RGS22: variants seen among roughly 807,000 people sequenced by gnomAD.
RGS22 encodes regulator of G-protein signaling 22.
A neutral mutation model predicts 172.9 loss-of-function variants in RGS22; 148 were observed. That is an observed-to-expected ratio of 0.86 (90% CI 0.75 to 0.98). The LOEUF (loss-of-function observed/expected upper bound fraction) is 0.98. RGS22 is among the 50% of genes least tolerant of loss of function. RGS22 has a pLI of 0.00. For synonymous variants in RGS22, 458 were observed against 480.2 expected, an observed-to-expected ratio of 0.95 and a Z score of 0.60; for missense variants, 1,347 against 1,440.8, an observed-to-expected ratio of 0.93 and a Z score of 1.05.
chr8:100,051,039 G>A (rs1211040906), intron 10 of RGS22: 1 of 152,236 alleles, frequency 6.6e-6, no homozygotes, highest in Non-Finnish European at 1.5e-5. Context: ...GCTATTCTAT[G>A]TAAGTGTGCT....
rs1390431808 is a variant in RGS22 at position 99,983,590 on chromosome 8, T to C, written c.3181-1474A>G. ...AGCATTTCTTCATGTTTCTTGGCCA[T>C]TTATATACCTTTTGAGAAGTATCCG... is the stretch of plus-strand genomic sequence containing the variant. On this transcript the variant is annotated intron_variant, in intron 21 of 27. Transcript: ENST00000360863. Among the ~76,000 whole-genome samples, 6 of 152,320 alleles carry C rather than the reference T, an allele frequency of 3.9e-5. No homozygotes were observed. The East Asian group carries it at 1.2e-3, about 29-fold the overall frequency.
intron 12 of RGS22, among the ~76,000 whole-genome samples, chr8:100,041,521 T>C (rs1463786505): frequency 6.6e-6 from 1 of 150,440 alleles, no homozygotes; most frequent in East Asian, 1.9e-4. Context: ...GCTTCTAAAA[T>C]GTAACATCAA....
chr8:99,989,915 TAGATAGAC>T (rs1424990130), intron 20 of RGS22, among the ~76,000 whole-genome samples: 2 of 151,972 alleles, frequency 1.3e-5, no homozygotes, highest in African/African-American at 2.4e-5. Context: ...TATAGATAGA[TAGATAGAC>T]AGATAGACAG....
chr8:100,065,285 G>A (rs552830166), intron 7 of RGS22, among the ~76,000 whole-genome samples: 2 of 152,300 alleles, frequency 1.3e-5, no homozygotes, highest in African/African-American at 2.4e-5. Flanking sequence ...CGCACAGAGC[G>A]AGGCAGGCAT....
At chr8:100,040,727 G>A (rs1411493893) in intron 12 of RGS22, among the ~76,000 whole-genome samples, 9 of 152,024 alleles carry the variant, frequency 5.9e-5, no homozygotes, top group African/African-American at 2.2e-4. Flanking sequence ...GAATATGAAA[G>A]GGCATCTACT....
At chr8:100,080,951 A>C (rs561817612) in intron 3 of RGS22, 2 of 152,448 alleles carry the variant, frequency 1.3e-5, no homozygotes, top group African/African-American at 4.8e-5. Flanking sequence ...GATATACAAT[A>C]GTCAGGAGTC....
At chr8:100,002,052 A>G (rs1435046992) in intron 18 of RGS22, 150 bp downstream of exon 18, 7 of 515,084 alleles carry the variant, frequency 1.4e-5, no homozygotes, top group African/African-American at 2.0e-5. Flanking sequence ...ATAGATGCTC[A>G]TAAATACCTA....
intron 2 of RGS22, among the ~76,000 whole-genome samples, chr8:100,101,586 C>T (rs554904736): frequency 6.6e-6 from 1 of 151,610 alleles, no homozygotes; most frequent in Non-Finnish European, 1.5e-5. Flanking sequence ...AGCCACTGCG[C>T]CCAGCCCTAA....
rs752422135 is a variant in RGS22, at chr8:100,052,841, T to C, written c.1650A>G (p.Leu550=). Residue 550 remains leucine, a synonymous_variant, in exon 10 of 28, where the codon TTA becomes TTG. Coordinates refer to ENST00000360863, the MANE Select transcript of RGS22 (RefSeq NM_015668.5). ...TCTGTGGAATGCAAGATTTGGGTCT[T>C]AATGGCAAGAGGGTTGCCATTTGTG... ...PFPQMATLLP[L]RPKSCIPQIP... The C allele has an allele frequency of 1.2e-5, 19 of 1,614,120 alleles. No individual in the cohort carries two copies. The highest frequency in any genetic ancestry group is 2.7e-5 in the African/African-American group (2 of 75,050).
intron 23 of RGS22, among the ~76,000 whole-genome samples, chr8:99,965,831 T>C (rs1810673538): frequency 6.6e-6 from 1 of 152,206 alleles, no homozygotes; most frequent in African/African-American, 2.4e-5. Context: ...ACGTTTGCTC[T>C]TTTTAAATCT....
chr8:100,034,742 C>T (rs971798268), intron 14 of RGS22, among the ~76,000 whole-genome samples: 1 of 151,740 alleles, frequency 6.6e-6, no homozygotes, highest in East Asian at 1.9e-4. Flanking sequence ...TAGTATGGTA[C>T]TGGTACCAAA....
At chr8:100,001,202 T>TTATATATATATATATATATACA (rs140189906) in intron 18 of RGS22, among the ~76,000 whole-genome samples, 8,704 of 124,538 alleles carry the variant, frequency 0.07, 973 homozygotes, top group African/African-American at 0.23. Flanking sequence ...TCCCAATTTT[T>TTATATATATATATATATATACA]TATATATATA....
intron 3 of RGS22, chr8:100,092,009 C>A (rs1399455364): frequency 6.6e-6 from 1 of 151,948 alleles, no homozygotes. Context: ...AGAGAGAGTA[C>A]AAAATTATTT....
rs997516019 is a variant in RGS22 at position 99,996,533 on chromosome 8, G to C, written c.2950-3C>G. On this transcript the variant is annotated splice_polypyrimidine_tract_variant and splice_region_variant and intron_variant, in intron 19 of 27. Coordinates refer to ENST00000360863, the MANE Select transcript of RGS22 (RefSeq NM_015668.5). The stretch of plus-strand genomic sequence containing the variant: ...TCTGCTATGTCTTTCATCTGTACCT[G>C]AAAGCAAAACCAATTATTTTATCCC... 6.2e-7 allele frequency: 1 copy of C among 1,611,182 alleles called. No individual in the cohort carries two copies. Among genetic ancestry groups the C allele is most frequent in the Admixed American group, 1.7e-5 (1 of 59,702 alleles).
At chr8:99,961,920 T>C (rs1210111973) in intron 27 of RGS22, among the ~76,000 whole-genome samples, 3 of 152,184 alleles carry the variant, frequency 2.0e-5, no homozygotes, top group Non-Finnish European at 4.4e-5. Flanking sequence ...ACTGGGTTCT[T>C]CAAGTATTAG....
intron 21 of RGS22, among the ~76,000 whole-genome samples, chr8:99,985,550 GAT>G (rs1563576141): frequency 6.6e-6 from 1 of 152,134 alleles, no homozygotes; most frequent in African/African-American, 2.4e-5. Flanking sequence ...TGTTCTCATG[GAT>G]GTCTTCCTGC....
chr8:100,073,285 T>C (rs1327168943), intron 4 of RGS22, among the ~76,000 whole-genome samples: 1 of 152,190 alleles, frequency 6.6e-6, no homozygotes, highest in Non-Finnish European at 1.5e-5. Flanking sequence ...GGAAATTGAA[T>C]GTCCATACAG....
Position 100,093,505 on chromosome 8 carries a change from T to C in RGS22, c.59A>G (p.Asp20Gly). ...AAGGAAATCATCTGTTGCCAGAGAA[T>C]CTTCCTGCAAAAAAAAAACATAAAA... ...PPTITEEEFEDSLATDDFLVD... is the reference protein window; with the variant it reads ...PPTITEEEFEGSLATDDFLVD... The change falls in exon 3 of 28, where the codon GAT (aspartate) becomes GGT (glycine). Residue 20 changes from aspartate to glycine, a missense_variant. By Grantham distance (94) the Asp-to-Gly change is moderately conservative (BLOSUM62 -1). Coordinates refer to ENST00000360863, the MANE Select transcript of RGS22 (RefSeq NM_015668.5). 6.3e-7 allele frequency: 1 copy of C among 1,589,016 alleles called. No homozygotes were observed. The highest frequency in any genetic ancestry group is 1.1e-5 in the South Asian group (1 of 87,742).
At chr8:100,052,333 G>C (rs1175940560) in intron 10 of RGS22, among the ~76,000 whole-genome samples, 1 of 142,108 alleles carries the variant, frequency 7.0e-6, no homozygotes, top group Non-Finnish European at 1.5e-5. Flanking sequence ...ACAGAGTCTC[G>C]CTCTGTCCCC....
Sources: gnomAD v4.1 joint callset for allele counts (sites outside exome capture counted in the v4.1 genomes callset) on GRCh38, gnomAD v4.1.1 for gene constraint, MANE v1.5 for transcripts, NCBI Gene and HGNC (gene_info 2026-07-23, HGNC 2026-07-21) for gene names.